Variants in FIRRM observed in about 807,000 individuals in gnomAD.
FIRRM encodes the protein FIGNL1-interacting regulator of recombination and mitosis.
the FIRRM span, chr1:169,853,288 T>TATA: frequency 1.7e-5 from 6 of 357,918 alleles, no homozygotes; most frequent in African/African-American, 1.3e-4. Context: ...AAATCATTTA[T>TATA]ATAATTTATA....
At chr1:169,852,708 A>G in the FIRRM span, 1 of 1,405,084 alleles carries the variant, frequency 7.1e-7, no homozygotes, top group South Asian at 1.2e-5. Context: ...TAAAATTTGC[A>G]TGTAAGCTTT....
At chr1:169,795,308 GTTATA>G in the FIRRM span, 3 of 1,447,222 alleles carry the variant, frequency 2.1e-6, no homozygotes, top group East Asian at 5.0e-5. Flanking sequence ...GCCAGGCTGG[GTTATA>G]TTACCGCGGC....
chr1:169,852,400 AAT>A, the FIRRM span: 6 of 250,846 alleles, frequency 2.4e-5, no homozygotes, highest in South Asian at 4.9e-5. Context: ...TTAGTATAGT[AAT>A]TAGTATAGTA....
the FIRRM span, among the ~76,000 whole-genome samples, chr1:169,846,261 G>A: frequency 2.0e-5 from 3 of 152,068 alleles, no homozygotes; most frequent in Non-Finnish European, 4.4e-5. Flanking sequence ...TGGCTTTGTT[G>A]TTCCATTGAT....
chr1:169,797,778 G>A, the FIRRM span, among the ~76,000 whole-genome samples: 13 of 152,174 alleles, frequency 8.5e-5, 2 homozygotes. Context: ...TCCTGACCTC[G>A]TGATCCGCCT....
chr1:169,801,445 C>CAAAAAA, the FIRRM span, among the ~76,000 whole-genome samples: 10 of 61,700 alleles, frequency 1.6e-4, no homozygotes, highest in South Asian at 6.0e-4. Context: ...TGCTCCGTCT[C>CAAAAAA]AAAAAAAAAA....
the FIRRM span, chr1:169,851,036 C>T: frequency 4.1e-5 from 1 of 24,356 alleles, no homozygotes; most frequent in Non-Finnish European, 8.9e-5. Flanking sequence ...CCAGGGTAAG[C>T]TCAGGGCCCT....
chr1:169,847,117 GCA>G, the FIRRM span, among the ~76,000 whole-genome samples: 6 of 152,058 alleles, frequency 3.9e-5, no homozygotes, highest in East Asian at 1.2e-3. Flanking sequence ...TCTTATAGGG[GCA>G]CAGTTTGTGG....
At chr1:169,789,908 T>C in the FIRRM span, among the ~76,000 whole-genome samples, 4 of 152,246 alleles carry the variant, frequency 2.6e-5, no homozygotes, top group African/African-American at 9.6e-5. Context: ...GGAAACTTGA[T>C]AGGAACCATG....
At chr1:169,809,909 T>C in the FIRRM span, among the ~76,000 whole-genome samples, 1 of 152,320 alleles carries the variant, frequency 6.6e-6, no homozygotes, top group East Asian at 1.9e-4. Flanking sequence ...TAGGCTGCTA[T>C]AACAAAATCC....
the FIRRM span, chr1:169,842,526 T>A: frequency 2.5e-6 from 4 of 1,613,774 alleles, no homozygotes; most frequent in Middle Eastern, 1.7e-4. Flanking sequence ...TGGGCTTTTT[T>A]AAACATTAAA....
chr1:169,852,806 C>G, the FIRRM span: 1 of 1,613,800 alleles, frequency 6.2e-7, no homozygotes, highest in Non-Finnish European at 8.5e-7. Flanking sequence ...GCAAAAAGAG[C>G]TCGTCAGGAG....
chr1:169,814,895 T>C, the FIRRM span, among the ~76,000 whole-genome samples: 1 of 152,186 alleles, frequency 6.6e-6, no homozygotes, highest in Non-Finnish European at 1.5e-5. Context: ...AAAGGTCAAC[T>C]GTATTTAGGT....
chr1:169,804,238 T>A, the FIRRM span: 10 of 1,500,096 alleles, frequency 6.7e-6, no homozygotes, highest in Non-Finnish European at 8.9e-6. Context: ...AATATGGTAA[T>A]AGGTGAGTGA....
the FIRRM span, chr1:169,821,630 A>G: frequency 5.2e-6 from 7 of 1,344,638 alleles, no homozygotes; most frequent in South Asian, 1.4e-5. Context: ...AGCTAATTTT[A>G]TATTCTTTTC....
chr1:169,853,747 T>C, the FIRRM span: 3 of 1,613,788 alleles, frequency 1.9e-6, no homozygotes, highest in South Asian at 1.1e-5. Context: ...CAGCTCCCCT[T>C]CTTCTTCCCA....
the FIRRM span, among the ~76,000 whole-genome samples, chr1:169,828,215 A>G: frequency 6.6e-6 from 1 of 152,142 alleles, no homozygotes; most frequent in African/African-American, 2.4e-5. Flanking sequence ...TTCCTTGCCA[A>G]CACCGTAGTC....
chr1:169,795,112 G>C, the FIRRM span: 25 of 1,535,916 alleles, frequency 1.6e-5, no homozygotes, highest in Non-Finnish European at 2.0e-5. Flanking sequence ...TATGTCTCAG[G>C]AAGGTGCGGT....
At chr1:169,852,835 T>C in the FIRRM span, 1 of 1,613,986 alleles carries the variant, frequency 6.2e-7, no homozygotes, top group Non-Finnish European at 8.5e-7. Flanking sequence ...GGAAGAAGAG[T>C]ACAGGTCAGC....
Sources: gnomAD v4.1 joint callset for allele counts (sites outside exome capture counted in the v4.1 genomes callset) on GRCh38, gnomAD v4.1.1 for gene constraint, MANE v1.5 for transcripts, NCBI Gene and HGNC (gene_info 2026-07-23, HGNC 2026-07-21) for gene names.